BCAS3: variants seen among roughly 807,000 people sequenced by gnomAD.
BCAS3 encodes the protein BCAS3 microtubule associated cell migration factor.
Under a neutral mutation model 116.1 loss-of-function variants are expected in BCAS3, and 53 were observed. That is an observed-to-expected ratio of 0.46 (90% CI 0.37 to 0.57). BCAS3 has a LOEUF of 0.57. Ranked by LOEUF, BCAS3 falls within the 20% of genes least tolerant of loss-of-function variation. The probability of loss-of-function intolerance (pLI) is 0.00; values close to 1 mark genes in which losing one functional copy is unlikely to be tolerated. For missense variants in BCAS3, 917 were observed against 1,165.4 expected, an observed-to-expected ratio of 0.79 and a Z score of 3.10; for synonymous variants, 391 against 408.2, an observed-to-expected ratio of 0.96 and a Z score of 0.51.
chr17:60,748,209 T>C (rs1473217163), intron 6 of BCAS3, among the ~76,000 whole-genome samples: 3 of 152,232 alleles, frequency 2.0e-5, no homozygotes, highest in Admixed American at 1.3e-4. Flanking sequence ...TTTTGAAAAC[T>C]TATGACATTG....
chr17:60,742,357 A>G (rs2041636134), intron 5 of BCAS3, among the ~76,000 whole-genome samples: 1 of 152,090 alleles, frequency 6.6e-6, no homozygotes, highest in African/African-American at 2.4e-5. Flanking sequence ...TTGGTAATCC[A>G]TAGAAAAAAC....
At chr17:61,283,653 A>G (rs540466525) in intron 22 of BCAS3, among the ~76,000 whole-genome samples, 5 of 151,746 alleles carry the variant, frequency 3.3e-5, no homozygotes, top group African/African-American at 9.7e-5. Flanking sequence ...CAGGGTTTCA[A>G]TGTGTTAGCC....
At chr17:60,982,011 ATGTG>A (rs2062845176) in intron 14 of BCAS3, among the ~76,000 whole-genome samples, 1 of 152,204 alleles carries the variant, frequency 6.6e-6, no homozygotes. Flanking sequence ...AAGAAATTAT[ATGTG>A]TATGCACAAA....
rs2057885496 is a variant in BCAS3, at chr17:61,352,101, T to C, written c.2426-16226T>C. Among the ~76,000 whole-genome samples, 3 of 152,238 alleles carry C rather than the reference T, an allele frequency of 2.0e-5. No homozygotes were observed. The highest frequency in any genetic ancestry group is 4.8e-5 in the African/African-American group (2 of 41,466). Reference sequence around the variant, plus strand: ...TAGTAGTTTTTCAACCCTAAAGGCATTTCTAAAACTAAAATGAAACAGTGA... The same window carrying C: ...TAGTAGTTTTTCAACCCTAAAGGCACTTCTAAAACTAAAATGAAACAGTGA... On this transcript the variant is annotated intron_variant, in intron 22 of 23. Coordinates refer to ENST00000407086, the MANE Select transcript of BCAS3 (RefSeq NM_017679.5). The surrounding 1 kb of genome is among the most constrained non-coding windows in gnomAD (Gnocchi z 4.7).
chr17:60,888,819 C>T (rs983160055), intron 9 of BCAS3, among the ~76,000 whole-genome samples: 1 of 149,982 alleles, frequency 6.7e-6, no homozygotes, highest in African/African-American at 2.5e-5. Context: ...GGGTCTGTCT[C>T]TTCTCTATAA....
At chr17:61,340,620 C>T (rs1446814895) in intron 22 of BCAS3, among the ~76,000 whole-genome samples, 5 of 152,058 alleles carry the variant, frequency 3.3e-5, no homozygotes, top group Non-Finnish European at 7.4e-5. Flanking sequence ...TGCTGTGAGT[C>T]GCTGCGGGGG....
intron 14 of BCAS3, among the ~76,000 whole-genome samples, chr17:60,955,219 T>TA (rs2061056057): frequency 6.6e-6 from 1 of 152,098 alleles, no homozygotes; most frequent in African/African-American, 2.4e-5. Flanking sequence ...CATGATGCCC[T>TA]ATTACCCTCA....
intron 7 of BCAS3, among the ~76,000 whole-genome samples, chr17:60,843,749 T>C (rs569797086): frequency 1.3e-5 from 2 of 152,246 alleles, no homozygotes; most frequent in Non-Finnish European, 2.9e-5. Context: ...GTATGGACAG[T>C]GTTGCATATC....
intron 14 of BCAS3, chr17:60,987,096 C>T (rs913224740): frequency 1.3e-5 from 2 of 151,882 alleles, no homozygotes; most frequent in African/African-American, 4.8e-5. Context: ...ACTATGTTTC[C>T]CCAATATATG....
chr17:60,847,924 G>T (rs567992293), intron 7 of BCAS3, among the ~76,000 whole-genome samples: 1 of 152,084 alleles, frequency 6.6e-6, no homozygotes, highest in African/African-American at 2.4e-5. Context: ...CCAAATTCAA[G>T]GTCAGGAAGA....
In BCAS3 at chr17:61,214,368, A is replaced by AAAAT. The variant is rs35597487; in HGVS notation, c.2425+129830_2425+129833dup. Among the ~76,000 whole-genome samples the AAAAT allele has an allele frequency of 0.025, 3,752 of 150,160 alleles. 93 individuals carry two copies. Among genetic ancestry groups the AAAAT allele is most frequent in the African/African-American group, 0.065 (2,620 of 40,074 alleles). Reference sequence around the variant, plus strand: ...GGCCACAGAGCAAGACCCTATCTCAAAAATAAATAAATAAATAAATAAATA... The same window carrying AAAAT: ...GGCCACAGAGCAAGACCCTATCTCAAAAATAAATAAATAAATAAATAAATAAATA... On this transcript the variant is annotated intron_variant, in intron 22 of 23. Coordinates refer to ENST00000407086, the MANE Select transcript of BCAS3 (RefSeq NM_017679.5). This position sits in a 1 kb window ranked among gnomAD's most constrained non-coding sequence, Gnocchi z 4.4.
chr17:61,093,544 G>A (rs149871789), intron 22 of BCAS3, among the ~76,000 whole-genome samples: 437 of 152,176 alleles, frequency 2.9e-3, no homozygotes, highest in Non-Finnish European at 4.3e-3. Flanking sequence ...CTGTGATCAC[G>A]CCACTGCACT....
chr17:61,340,510 C>T (rs1395249859), intron 22 of BCAS3, among the ~76,000 whole-genome samples: 5 of 152,066 alleles, frequency 3.3e-5, no homozygotes, highest in Non-Finnish European at 5.9e-5. Context: ...AGAGTGAATG[C>T]GCTCAGGAAA....
chr17:60,952,118 G>A (rs1031918513), intron 14 of BCAS3, among the ~76,000 whole-genome samples: 4 of 152,022 alleles, frequency 2.6e-5, no homozygotes, highest in Non-Finnish European at 4.4e-5. Flanking sequence ...ATTAATTCAT[G>A]AGCTTTAATT....
chr17:60,860,855 G>A (rs1316634112), intron 7 of BCAS3, among the ~76,000 whole-genome samples: 1 of 152,130 alleles, frequency 6.6e-6, no homozygotes, highest in Non-Finnish European at 1.5e-5. Context: ...CTATGTGTCA[G>A]TTTTTGTATC....
Position 60,995,631 on chromosome 17 carries a change from A to G in BCAS3, c.1486+5396A>G, listed in dbSNP as rs1004299257. Among the ~76,000 whole-genome samples the G allele has an allele frequency of 4.6e-5, 7 of 152,246 alleles. No homozygotes were observed. The highest frequency in any genetic ancestry group is 1.7e-4 in the African/African-American group (7 of 41,460). On this transcript the variant is annotated intron_variant, in intron 15 of 23. Coordinates refer to ENST00000407086, the MANE Select transcript of BCAS3 (RefSeq NM_017679.5). This position sits in a 1 kb window ranked among gnomAD's most constrained non-coding sequence, Gnocchi z 4.7. ...AGGCTTTAAACCAGAGTTTTAAAAC[A>G]TCTTTAGAAGTTGTTCTAAGAAAAA...
intron 22 of BCAS3, among the ~76,000 whole-genome samples, chr17:61,202,168 C>T (rs1470592539): frequency 2.3e-5 from 3 of 130,294 alleles, no homozygotes; most frequent in Admixed American, 8.9e-5. Context: ...GATGGAGTCT[C>T]GCTCTGTCTC....
intron 22 of BCAS3, among the ~76,000 whole-genome samples, chr17:61,094,830 G>A (rs2073862703): frequency 1.3e-5 from 2 of 151,632 alleles, no homozygotes; most frequent in Admixed American, 6.6e-5. Flanking sequence ...GGCAACAAGA[G>A]TGAAACTCTG....
intron 22 of BCAS3, among the ~76,000 whole-genome samples, chr17:61,304,571 A>G (rs1383100486): frequency 6.6e-6 from 1 of 152,034 alleles, no homozygotes; most frequent in Non-Finnish European, 1.5e-5. Flanking sequence ...GTCTAACCTT[A>G]TTTCCCCCAT....
Sources: allele counts gnomAD v4.1 joint callset (sites outside exome capture counted in the v4.1 genomes callset), GRCh38; gene constraint gnomAD v4.1.1; non-coding constraint Gnocchi (gnomAD v3.1); transcripts MANE v1.5; gene names NCBI Gene and HGNC (gene_info 2026-07-23, HGNC 2026-07-21).